The following FKBP5 variants were observed in gnomAD, a reference collection of about 807,000 sequenced individuals.
FKBP5 encodes the protein peptidyl-prolyl cis-trans isomerase FKBP5.
FKBP5 carries 23 observed loss-of-function variants against 50.5 expected under a neutral mutation model. That is an observed-to-expected ratio of 0.46 (90% CI 0.33 to 0.65). The LOEUF (loss-of-function observed/expected upper bound fraction) is 0.65. Among genes scored for constraint, FKBP5 ranks in the 30% least tolerant of loss-of-function variants. FKBP5 has a pLI of 0.02. For missense variants in FKBP5, 411 were observed against 553.1 expected (o/e 0.74, Z 2.58); for synonymous variants, 176 against 190.6 (o/e 0.92, Z 0.63).
chr6:35,681,837 T>A (rs1765670060), intron 1 of FKBP5, among the ~76,000 whole-genome samples: 1 of 152,182 alleles, frequency 6.6e-6, no homozygotes, highest in Admixed American at 6.5e-5. Context: ...TACATATGTG[T>A]AATATATGTG....
At chr6:35,603,518 C>G (rs1044673592) in intron 5 of FKBP5, among the ~76,000 whole-genome samples, 1 of 152,062 alleles carries the variant, frequency 6.6e-6, no homozygotes, top group Non-Finnish European at 1.5e-5. Context: ...TACAAATTTT[C>G]CTTTTTGAAT....
intron 1 of FKBP5, 82 bp downstream of exon 1, chr6:35,688,722 G>A (rs1312703032): frequency 1.3e-5 from 2 of 150,744 alleles, no homozygotes; most frequent in African/African-American, 4.8e-5. Flanking sequence ...GAGTGCGACC[G>A]CGGCGGGACC....
At chr6:35,595,038 T>TA (rs1205905233) in intron 6 of FKBP5, among the ~76,000 whole-genome samples, 2 of 152,162 alleles carry the variant, frequency 1.3e-5, no homozygotes, top group Non-Finnish European at 2.9e-5. Flanking sequence ...GTGTGCCCTA[T>TA]ATGTGCAGGA....
At position 35,658,695 on chromosome 6, in the gene FKBP5, G is replaced by C. The variant is rs1047541740; in HGVS notation, c.-19-15852C>G. Among the ~76,000 whole-genome samples the C allele has an allele frequency of 1.5e-4, 3 of 20,684 alleles. 1 individual carries two copies. The highest frequency in any genetic ancestry group is 3.4e-4 in the African/African-American group (3 of 8,874). 13.6% of individuals were successfully genotyped at this position (20,684 alleles called of 152,430 possible). ...GTTTTCAAATGTTAAACCAACCTTGGATACCTGGAATAAACCCTATTTGGT... is the reference window on the plus strand; with the variant it reads ...GTTTTCAAATGTTAAACCAACCTTGCATACCTGGAATAAACCCTATTTGGT... On this transcript the variant is annotated intron_variant, in intron 1 of 10. Coordinates refer to ENST00000357266, the MANE Select transcript of FKBP5 (RefSeq NM_004117.4).
rs771810838 is a variant in FKBP5, at chr6:35,580,220, C to T, written c.842G>A (p.Gly281Glu). 4 of 1,607,726 alleles carry T rather than the reference C, an allele frequency of 2.5e-6. No homozygotes were observed. In the South Asian group the frequency reaches 3.3e-5, roughly 13 times the overall value. ...VKEKGTVYFK[G>E]GKYMQAVIQY... ...AATCACCGCCTGCATGTATTTGCCT[C>T]CCTAGGATAAAAAAGCGTCATTACT... Residue 281 changes from glycine to glutamate, a missense_variant and splice_region_variant, in exon 9 of 11, where the codon GGA (glycine) becomes GAA (glutamate). Physicochemically the swap from Gly to Glu is moderately conservative, Grantham distance 98 (BLOSUM62 -2). Transcript: ENST00000357266.
chr6:35,711,668 A>G (rs945364432), intron 2 of FKBP5, among the ~76,000 whole-genome samples: 1 of 152,160 alleles, frequency 6.6e-6, no homozygotes, highest in Non-Finnish European at 1.5e-5. Context: ...AAGAAAAGAA[A>G]AAGAAACAGG....
At chr6:35,582,061 G>C in intron 8 of FKBP5, 1 of 985,570 alleles carries the variant, frequency 1.0e-6, no homozygotes, top group Non-Finnish European at 1.2e-6. Flanking sequence ...GGATTTTCTG[G>C]TGATGAAGAT....
intron 5 of FKBP5, among the ~76,000 whole-genome samples, chr6:35,615,810 C>T (rs779907228): frequency 1.1e-4 from 17 of 152,158 alleles, no homozygotes; most frequent in Non-Finnish European, 1.8e-4. Context: ...AAAATAGTAA[C>T]GTTGCAGTAG....
chr6:35,596,695 G>A (rs1581798268), intron 6 of FKBP5, among the ~76,000 whole-genome samples: 1 of 152,206 alleles, frequency 6.6e-6, no homozygotes, highest in Non-Finnish European at 1.5e-5. Flanking sequence ...GACTGTCAGT[G>A]TCTGATGGTT....
chr6:35,644,016 C>G (rs1204327180), intron 1 of FKBP5, among the ~76,000 whole-genome samples: 1 of 152,172 alleles, frequency 6.6e-6, no homozygotes. Flanking sequence ...CTTAACTTCT[C>G]TAAGATTTTT....
chr6:35,701,344 C>T (rs1461159369), intron 2 of FKBP5, among the ~76,000 whole-genome samples: 2 of 148,012 alleles, frequency 1.4e-5, no homozygotes, highest in Non-Finnish European at 3.0e-5. Context: ...CCCGGGTTCA[C>T]GCCATTCTCC....
At chr6:35,626,490 A>T (rs988970989) in intron 3 of FKBP5, among the ~76,000 whole-genome samples, 5 of 152,182 alleles carry the variant, frequency 3.3e-5, no homozygotes, top group African/African-American at 1.2e-4. Flanking sequence ...AAAAACGCTT[A>T]ATTGTGGGGG....
At chr6:35,702,516 G>A (rs1307992083) in intron 2 of FKBP5, among the ~76,000 whole-genome samples, 1 of 150,784 alleles carries the variant, frequency 6.6e-6, no homozygotes. Flanking sequence ...GCAGTGGCAT[G>A]ATCTCGGCTC....
At chr6:35,657,598 G>C (rs928415367) in intron 1 of FKBP5, among the ~76,000 whole-genome samples, 11 of 152,224 alleles carry the variant, frequency 7.2e-5, no homozygotes, top group African/African-American at 2.2e-4. Context: ...CCATTTCAAA[G>C]CTTTTAACCT....
At chr6:35,640,940 T>C (rs1000485131) in intron 2 of FKBP5, among the ~76,000 whole-genome samples, 2 of 152,138 alleles carry the variant, frequency 1.3e-5, no homozygotes, top group African/African-American at 4.8e-5. Context: ...AATGCCTTCT[T>C]CTTGAATACC....
intron 3 of FKBP5, 26 bp downstream of exon 3, chr6:35,636,988 C>T (rs1764325893): frequency 1.3e-6 from 2 of 1,568,426 alleles, no homozygotes; most frequent in East Asian, 2.3e-5. Context: ...CTAAGTAAAA[C>T]ACAACTCAAA....
At chr6:35,577,475 T>C (rs879636582) in intron 9 of FKBP5, among the ~76,000 whole-genome samples, 3 of 152,128 alleles carry the variant, frequency 2.0e-5, no homozygotes, top group Non-Finnish European at 2.9e-5. Flanking sequence ...TTAAAGTTCA[T>C]TGGAACAAAT....
At chr6:35,637,230 CA>C in intron 2 of FKBP5, 72 bp from the exon 3 acceptor site, 2 of 1,365,512 alleles carry the variant, frequency 1.5e-6, no homozygotes, top group Non-Finnish European at 2.0e-6. Context: ...AAAGGTCACA[CA>C]GTCCATCCCA....
intron 5 of FKBP5, chr6:35,607,819 C>G (rs1269128915): frequency 2.2e-5 from 5 of 224,048 alleles, no homozygotes; most frequent in Admixed American, 4.3e-5. Flanking sequence ...TGAAGGTCTC[C>G]AAGGACAAAT....
Sources: gnomAD v4.1 joint callset for allele counts (sites outside exome capture counted in the v4.1 genomes callset) on GRCh38, gnomAD v4.1.1 for gene constraint, MANE v1.5 for transcripts, NCBI Gene and HGNC (gene_info 2026-07-23, HGNC 2026-07-21) for gene names.